The following FAM174B variants were observed in gnomAD, a reference collection of about 807,000 sequenced individuals.
The protein encoded by FAM174B is family with sequence similarity 174 member B, also known as membrane protein FAM174B.
FAM174B carries 12 observed loss-of-function variants against 10.9 expected under a neutral mutation model. The ratio of observed to expected loss-of-function variants is 1.10; its 90% CI spans 0.71 to 1.79. The LOEUF (loss-of-function observed/expected upper bound fraction) is 1.79. Ranked by LOEUF, FAM174B falls within the 40% of genes most tolerant of loss-of-function variation. The pLI, the probability that FAM174B is intolerant of heterozygous loss-of-function variation, is 0.00. For missense variants in FAM174B, 266 were observed against 233.3 expected (o/e 1.14, Z -0.91); for synonymous variants, 132 against 115.8 (o/e 1.14, Z -0.90).
In FAM174B at chr15:92,655,360, G is replaced by C. The variant is rs751937647; in HGVS notation, c.300C>G (p.Ala100=). The stretch of plus-strand genomic sequence containing the variant: ...GGCAGGCGATGAGGAGGGTGGTAAA[G>C]GCGAACGCCACGATCACGGCTGCCT... ...TLKAAVIVAF[A]FTTLLIACLL... is the part of the protein sequence containing the mutation. The change falls in exon 1 of 3, where the codon GCC becomes GCG. Residue 100 remains alanine, a synonymous_variant. Transcript: ENST00000327355. 7.5e-6 allele frequency: 12 copies of C among 1,589,726 alleles called. No individual in the cohort carries two copies. The highest frequency in any genetic ancestry group is 1.7e-5 in the Admixed American group (1 of 57,930).
intron 1 of FAM174B, among the ~76,000 whole-genome samples, chr15:92,647,991 G>A (rs2141964040): frequency 6.6e-6 from 1 of 152,202 alleles, no homozygotes; most frequent in African/African-American, 2.4e-5. Flanking sequence ...CCTTTCTATT[G>A]ACTTCAAGTC....
chr15:92,645,110 C>T (rs1394886506), intron 1 of FAM174B, among the ~76,000 whole-genome samples: 1 of 152,226 alleles, frequency 6.6e-6, no homozygotes, highest in African/African-American at 2.4e-5. Flanking sequence ...TTTAGTAACT[C>T]AGCTCAAAAT....
chr15:92,630,411 C>T, intron 1 of FAM174B, 66 bp from the exon 2 acceptor site: 1 of 1,478,196 alleles, frequency 6.8e-7, no homozygotes, highest in Non-Finnish European at 9.2e-7. Flanking sequence ...GGCCCCAAGC[C>T]CCAGAGGACC....
rs530380937 is a variant in FAM174B at position 92,646,269 on chromosome 15, C to T, written c.344+9047G>A. Among the ~76,000 whole-genome samples, 148 of 152,272 alleles carry T rather than the reference C, an allele frequency of 9.7e-4. 1 individual carries two copies. The South Asian group carries it at 0.011, about 12-fold the overall frequency. ...TACTTCACTCTTGTATTAAAATCCT[C>T]CATTTGCTCCTCTCACCCACTACAA... is the stretch of plus-strand genomic sequence containing the variant. On this transcript the variant is annotated intron_variant, in intron 1 of 2. Transcript: ENST00000327355.
chr15:92,628,367 G>C (rs1178582210), intron 2 of FAM174B, among the ~76,000 whole-genome samples: 1 of 127,888 alleles, frequency 7.8e-6, no homozygotes, highest in African/African-American at 3.0e-5. Context: ...TTTTGTAGAA[G>C]TGGGGTTTCA....
Position 92,618,942 on chromosome 15 carries a change from G to GT in FAM174B, c.*513dup. On this transcript the variant is annotated 3_prime_UTR_variant, in exon 3 of 3. Coordinates refer to ENST00000327355, the MANE Select transcript of FAM174B (RefSeq NM_207446.3). ...ACATCCACCTTGAACTCTGACACAGGTAACGCCAAAATGAGGCCAGGACCT... is the reference window on the plus strand; with the variant it reads ...ACATCCACCTTGAACTCTGACACAGGTTAACGCCAAAATGAGGCCAGGACCT... The GT allele has an allele frequency of 1.8e-6, 1 of 544,930 alleles. No individual in the cohort carries two copies. Among genetic ancestry groups the GT allele is most frequent in the South Asian group, 2.2e-5 (1 of 45,492 alleles). The allele number at this position is 544,930 out of a possible 1,614,324, so 33.8% of individuals were successfully genotyped here.
chr15:92,645,832 C>T (rs914265452), intron 1 of FAM174B, among the ~76,000 whole-genome samples: 2 of 152,094 alleles, frequency 1.3e-5, no homozygotes, highest in African/African-American at 4.8e-5. Flanking sequence ...ATCCCTGCCA[C>T]CCAGGTAGGG....
chr15:92,626,551 G>A (rs971577333), intron 2 of FAM174B, among the ~76,000 whole-genome samples: 1 of 152,168 alleles, frequency 6.6e-6, no homozygotes, highest in African/African-American at 2.4e-5. Flanking sequence ...TCCCCAGAAT[G>A]ACAGCAGAGA....
At chr15:92,641,236 T>C (rs967336727) in intron 1 of FAM174B, among the ~76,000 whole-genome samples, 5 of 152,330 alleles carry the variant, frequency 3.3e-5, no homozygotes, top group African/African-American at 1.2e-4. Context: ...TTGGCAAGGA[T>C]GTACAGAAAC....
chr15:92,636,457 C>T (rs1347881562), intron 1 of FAM174B, among the ~76,000 whole-genome samples: 3 of 152,176 alleles, frequency 2.0e-5, no homozygotes, highest in African/African-American at 7.2e-5. Context: ...ACTGAGGAGA[C>T]TGAGGCTCAG....
In FAM174B at chr15:92,618,074, G is replaced by C. The variant is rs1441517826; in HGVS notation, c.*1382C>G. ...GATGGAGGTGAGTCAGGAAAGGCTGGAGTTTTCATCCAAAAAAAAAAAGAG... is the reference window on the plus strand; with the variant it reads ...GATGGAGGTGAGTCAGGAAAGGCTGCAGTTTTCATCCAAAAAAAAAAAGAG... On this transcript the variant is annotated 3_prime_UTR_variant, in exon 3 of 3. Coordinates refer to ENST00000327355, the MANE Select transcript of FAM174B (RefSeq NM_207446.3). 3.2e-5 allele frequency: 7 copies of C among 218,236 alleles called. No homozygotes were observed. The highest frequency in any genetic ancestry group is 5.3e-5 in the Non-Finnish European group (6 of 112,264). 13.5% of individuals were successfully genotyped at this position (218,236 alleles called of 1,614,324 possible).
intron 2 of FAM174B, chr15:92,620,137 T>G (rs996861744): frequency 8.5e-5 from 13 of 152,342 alleles, no homozygotes; most frequent in African/African-American, 2.6e-4. Context: ...ACTGGGAGCT[T>G]GAGACAAAAG....
intron 2 of FAM174B, among the ~76,000 whole-genome samples, chr15:92,623,244 C>A (rs920774077): frequency 2.0e-5 from 3 of 152,082 alleles, no homozygotes; most frequent in Non-Finnish European, 4.4e-5. Flanking sequence ...GCTTACCCAG[C>A]CTGTACTCAT....
intron 1 of FAM174B, 23 bp downstream of exon 1, chr15:92,655,289 GGGAA>G: frequency 1.3e-6 from 2 of 1,514,462 alleles, no homozygotes; most frequent in Middle Eastern, 2.0e-4. Flanking sequence ...CGGCCGGCGG[GGGAA>G]GGAAGAGGGC....
At position 92,631,556 on chromosome 15, in the gene FAM174B, G is replaced by A. The variant is rs1489666179; in HGVS notation, c.345-1211C>T. 4.8e-4 allele frequency among the ~76,000 whole-genome samples: 63 copies of A among 132,372 alleles called. 1 individual carries two copies. Among genetic ancestry groups the A allele is most frequent in the African/African-American group, 6.4e-4 (22 of 34,528 alleles). 86.8% of individuals were successfully genotyped at this position (132,372 alleles called of 152,430 possible). On this transcript the variant is annotated intron_variant, in intron 1 of 2. Coordinates refer to ENST00000327355, the MANE Select transcript of FAM174B (RefSeq NM_207446.3). ...GTCACCCAGGCTGGAGTGCAGTGGC[G>A]TGATCTCGGCTCACTGCAAGCTCCG...
intron 1 of FAM174B, chr15:92,653,275 C>T (rs969069582): frequency 6.6e-6 from 1 of 152,248 alleles, no homozygotes; most frequent in Non-Finnish European, 1.5e-5. Context: ...GCTGGCTTAC[C>T]CACTCCAACA....
At chr15:92,650,642 T>G (rs976564781) in intron 1 of FAM174B, among the ~76,000 whole-genome samples, 40 of 152,198 alleles carry the variant, frequency 2.6e-4, no homozygotes, top group Non-Finnish European at 2.9e-4. Flanking sequence ...ACTCAGACAA[T>G]AAAGTGTTCT....
chr15:92,627,232 C>G (rs60265253), intron 2 of FAM174B: 13,408 of 153,416 alleles, frequency 0.087, 1,017 homozygotes, highest in African/African-American at 0.2. Context: ...AGCAAGCCAA[C>G]CTGGACTTTC....
At chr15:92,625,030 G>A (rs188611918) in intron 2 of FAM174B, among the ~76,000 whole-genome samples, 9 of 152,300 alleles carry the variant, frequency 5.9e-5, no homozygotes, top group East Asian at 1.9e-4. Flanking sequence ...AAACCCAAAC[G>A]CCTCTTGAAA....
Sources: gnomAD v4.1 joint callset for allele counts (sites outside exome capture counted in the v4.1 genomes callset) on GRCh38, gnomAD v4.1.1 for gene constraint, MANE v1.5 for transcripts, NCBI Gene and HGNC (gene_info 2026-07-23, HGNC 2026-07-21) for gene names.